CPXM2: variants seen among roughly 807,000 people sequenced by gnomAD.
CPXM2 encodes the protein inactive carboxypeptidase-like protein X2.
CPXM2 carries 66 observed loss-of-function variants against 86.1 expected under a neutral mutation model. The ratio of observed to expected loss-of-function variants is 0.77; its 90% CI spans 0.63 to 0.94. CPXM2 has a LOEUF of 0.94. Among genes scored for constraint, CPXM2 ranks in the 40% least tolerant of loss-of-function variants. The pLI, the probability that CPXM2 is intolerant of heterozygous loss-of-function variation, is 0.00. For synonymous variants in CPXM2, 388 were observed against 400.2 expected (o/e 0.97, Z 0.36); for missense variants, 948 against 1,026.3 (o/e 0.92, Z 1.04).
chr10:123,800,518 T>C (rs1847434341), intron 4 of CPXM2, among the ~76,000 whole-genome samples: 1 of 152,062 alleles, frequency 6.6e-6, no homozygotes, highest in African/African-American at 2.4e-5. Flanking sequence ...CACACACAAA[T>C]AATTTCCGAA....
At chr10:123,826,609 T>C (rs528380356) in intron 4 of CPXM2, among the ~76,000 whole-genome samples, 18 of 152,222 alleles carry the variant, frequency 1.2e-4, no homozygotes, top group South Asian at 1.0e-3. Context: ...TTGAGCATTA[T>C]ATAAAATTAT....
At chr10:123,899,606 C>T (rs988639595) in intron 2 of CPXM2, among the ~76,000 whole-genome samples, 2 of 152,172 alleles carry the variant, frequency 1.3e-5, no homozygotes, top group African/African-American at 4.8e-5. Flanking sequence ...CACTTAAGCC[C>T]AGAAATTTGA....
At chr10:123,766,865 GAA>G in intron 10 of CPXM2, 106 bp downstream of exon 10, 1 of 901,780 alleles carries the variant, frequency 1.1e-6, no homozygotes, top group Non-Finnish European at 1.7e-6. Context: ...AAACATGAAA[GAA>G]AAAAACAGTT....
At chr10:123,894,472 C>G (rs145759277), upstream of CPXM2, among the ~76,000 whole-genome samples, 108 of 152,308 alleles carry the variant, frequency 7.1e-4, no homozygotes, top group African/African-American at 2.4e-3. Flanking sequence ...TCTCCCAACA[C>G]AGAAGCCCAC....
At chr10:123,776,524 T>A (rs1846794333) in intron 7 of CPXM2, 1 of 152,242 alleles carries the variant, frequency 6.6e-6, no homozygotes. Context: ...GTGGCATGTT[T>A]CATACTTTGT....
chr10:123,942,876 A>G (rs775758648), upstream of CPXM2, among the ~76,000 whole-genome samples: 10 of 152,188 alleles, frequency 6.6e-5, no homozygotes, highest in Non-Finnish European at 1.3e-4. Context: ...ATATATGATG[A>G]TGGTCCCATA....
intron 6 of CPXM2, among the ~76,000 whole-genome samples, chr10:123,790,725 A>G (rs930672473): frequency 9.9e-5 from 15 of 152,048 alleles, no homozygotes; most frequent in African/African-American, 3.6e-4. Context: ...GTGCCAAGAG[A>G]GACGGGGGCA....
chr10:123,861,062 A>G (rs1208709415), intron 3 of CPXM2, among the ~76,000 whole-genome samples: 1 of 152,156 alleles, frequency 6.6e-6, no homozygotes, highest in Non-Finnish European at 1.5e-5. Context: ...CCCCAATCCC[A>G]TGAGCTCCCT....
chr10:123,903,987 C>T, intron 2 of CPXM2, among the ~76,000 whole-genome samples: 1 of 152,198 alleles, frequency 6.6e-6, no homozygotes, highest in East Asian at 1.9e-4. Flanking sequence ...TTCACCCCAT[C>T]TCCTCCAATG....
At chr10:123,830,234 G>A (rs907052913) in intron 4 of CPXM2, among the ~76,000 whole-genome samples, 4 of 152,124 alleles carry the variant, frequency 2.6e-5, no homozygotes, top group African/African-American at 4.8e-5. Flanking sequence ...GGGGAAATAC[G>A]AGTAGCTCAA....
chr10:123,757,457 T>C, intron 11 of CPXM2, 105 bp from the exon 12 acceptor site: 3 of 955,070 alleles, frequency 3.1e-6, no homozygotes, highest in Non-Finnish European at 3.3e-6. Flanking sequence ...TCGGAAGGCC[T>C]TGTTTAAACA....
rs544022078 is a variant in CPXM2, at chr10:123,839,859, T to C, written c.653+2490A>G. 2.0e-5 allele frequency among the ~76,000 whole-genome samples: 3 copies of C among 152,332 alleles called. No homozygotes were observed. The South Asian group carries it at 6.2e-4, about 32-fold the overall frequency. ...AAACTCATCAGGTTTCTTTTCATTG[T>C]TCCTGGAGAATAATTTGGCTTGAAA... On this transcript the variant is annotated intron_variant, in intron 4 of 13. Coordinates refer to ENST00000241305, the MANE Select transcript of CPXM2 (RefSeq NM_198148.3).
Position 123,891,459 on chromosome 10 carries a change from C to T in CPXM2, c.201G>A (p.Glu67=). The change falls in exon 1 of 14, where the codon GAG becomes GAA. Residue 67 remains glutamate, a synonymous_variant. Transcript: ENST00000241305. This position sits in a 1 kb window ranked among gnomAD's most constrained non-coding sequence, Gnocchi z 5.6. Reference sequence around the variant, plus strand: ...GCTCCTGCGGGCGCCGCTCCCACTCCTCCCCGGGCCCCGCAGGCAGCGGCG... The same window carrying T: ...GCTCCTGCGGGCGCCGCTCCCACTCTTCCCCGGGCCCCGCAGGCAGCGGCG... ...FSPPLPAGPG[E]EWERRPQEPR... The T allele has an allele frequency of 6.5e-7, 1 of 1,550,354 alleles. No homozygotes were observed. The highest frequency in any genetic ancestry group is 8.7e-7 in the Non-Finnish European group (1 of 1,146,690).
At chr10:123,820,254 A>C (rs552860630) in intron 4 of CPXM2, among the ~76,000 whole-genome samples, 1 of 152,140 alleles carries the variant, frequency 6.6e-6, no homozygotes, top group East Asian at 1.9e-4. Context: ...TGCTGATGAC[A>C]CTCATCCCAC....
At chr10:123,793,409 G>T (rs1287366778) in intron 6 of CPXM2, among the ~76,000 whole-genome samples, 1 of 141,628 alleles carries the variant, frequency 7.1e-6, no homozygotes, top group Admixed American at 7.8e-5. Flanking sequence ...GTTGCAGTGA[G>T]CCCAGACCAC....
intron 5 of CPXM2, among the ~76,000 whole-genome samples, chr10:123,798,825 C>A (rs1239815965): frequency 1.3e-5 from 2 of 151,836 alleles, no homozygotes. Context: ...CCTAGCATGC[C>A]CCATGCATGC....
At chr10:123,819,379 T>C (rs1847879179) in intron 4 of CPXM2, among the ~76,000 whole-genome samples, 1 of 152,162 alleles carries the variant, frequency 6.6e-6, no homozygotes, top group Admixed American at 6.5e-5. Flanking sequence ...CATGACCTGC[T>C]GGGGTGCTTG....
At chr10:123,790,539 T>C (rs1305447456) in intron 6 of CPXM2, among the ~76,000 whole-genome samples, 2 of 152,206 alleles carry the variant, frequency 1.3e-5, no homozygotes, top group Non-Finnish European at 2.9e-5. Context: ...CTGAACATAC[T>C]GACATACTGA....
intron 4 of CPXM2, among the ~76,000 whole-genome samples, chr10:123,819,063 A>G (rs1564784526): frequency 2.9e-5 from 4 of 135,708 alleles, no homozygotes. Flanking sequence ...ACTGGAAGTT[A>G]AAATTGCCAC....
Sources: gnomAD v4.1 joint callset for allele counts (sites outside exome capture counted in the v4.1 genomes callset) on GRCh38, gnomAD v4.1.1 for gene constraint, Gnocchi (gnomAD v3.1) non-coding constraint, MANE v1.5 for transcripts, NCBI Gene and HGNC (gene_info 2026-07-23, HGNC 2026-07-21) for gene names.